The following ULK4 variants were observed in gnomAD, a reference collection of about 807,000 sequenced individuals.
ULK4 encodes the protein unc-51 like kinase 4.
In ULK4, 133 loss-of-function variants were observed where a neutral mutation model predicts 160.6. That is an observed-to-expected ratio of 0.83 (90% CI 0.72 to 0.96). The LOEUF is 0.96. Ranked by LOEUF, ULK4 falls within the 40% of genes least tolerant of loss-of-function variation. The pLI, the probability that ULK4 is intolerant of heterozygous loss-of-function variation, is 0.00. For missense variants in ULK4, 1,580 were observed against 1,499.5 expected (o/e 1.05, Z -0.89); for synonymous variants, 534 against 539.8 (o/e 0.99, Z 0.15).
chr3:41,276,764 C>T (rs1361979727), intron 35 of ULK4, among the ~76,000 whole-genome samples: 1 of 152,192 alleles, frequency 6.6e-6, no homozygotes, highest in East Asian at 1.9e-4. Flanking sequence ...CTCAAAGAAA[C>T]TGGGCAAAAC....
intron 34 of ULK4, among the ~76,000 whole-genome samples, chr3:41,447,993 C>A (rs1240999187): frequency 3.9e-5 from 6 of 152,186 alleles, no homozygotes. Flanking sequence ...CGGACAAATT[C>A]TCTGAATAAA....
At chr3:41,639,822 C>T (rs1009776726) in intron 30 of ULK4, among the ~76,000 whole-genome samples, 2 of 152,104 alleles carry the variant, frequency 1.3e-5, no homozygotes, top group Non-Finnish European at 2.9e-5. Flanking sequence ...ATTTAATAAA[C>T]CAGTAAAATT....
chr3:41,643,195 A>T (rs2034314931), intron 30 of ULK4, among the ~76,000 whole-genome samples: 1 of 152,006 alleles, frequency 6.6e-6, no homozygotes, highest in South Asian at 2.1e-4. Context: ...CTTTAGTTTA[A>T]TTAGATCCCA....
chr3:41,506,767 A>AAAAAAAAAAAAAAAAAAAAATATATATAT, intron 32 of ULK4, among the ~76,000 whole-genome samples: 6 of 56,794 alleles, frequency 1.1e-4, no homozygotes, highest in East Asian at 8.2e-4. Context: ...TGTGATTTAA[A>AAAAAAAAAAAAAAAAAAAAATATATATAT]ATATATATAT....
intron 31 of ULK4, among the ~76,000 whole-genome samples, chr3:41,582,904 C>A (rs2030486206): frequency 6.6e-6 from 1 of 152,170 alleles, no homozygotes; most frequent in South Asian, 2.1e-4. Context: ...ACCCTCTGAG[C>A]CTCTGCACTT....
intron 32 of ULK4, among the ~76,000 whole-genome samples, chr3:41,491,007 A>T (rs1476561330): frequency 6.6e-6 from 1 of 152,244 alleles, no homozygotes; most frequent in East Asian, 1.9e-4. Flanking sequence ...AAAAAGAGTA[A>T]TAACCATAAA....
chr3:41,946,534 C>T (rs904134372), intron 2 of ULK4, among the ~76,000 whole-genome samples: 6 of 152,180 alleles, frequency 3.9e-5, no homozygotes, highest in African/African-American at 1.2e-4. Context: ...CCCCAAAGAT[C>T]CCCTAATCAC....
intron 35 of ULK4, among the ~76,000 whole-genome samples, chr3:41,332,919 T>C (rs182384136): frequency 4.9e-4 from 75 of 152,352 alleles, no homozygotes; most frequent in African/African-American, 1.6e-3. Flanking sequence ...TGGTGATCTG[T>C]TTCTGCGTTT....
At chr3:41,700,215 T>A (rs981244331) in intron 27 of ULK4, among the ~76,000 whole-genome samples, 1 of 152,144 alleles carries the variant, frequency 6.6e-6, no homozygotes, top group Non-Finnish European at 1.5e-5. Flanking sequence ...TCAGACTAGT[T>A]TCTGATGAAA....
chr3:41,328,476 A>C (rs889482777), intron 35 of ULK4, among the ~76,000 whole-genome samples: 1 of 152,304 alleles, frequency 6.6e-6, no homozygotes, highest in East Asian at 1.9e-4. Flanking sequence ...GAAGCAGTTC[A>C]GAGGAGAAAT....
chr3:41,379,301 A>C (rs1386601), intron 35 of ULK4, among the ~76,000 whole-genome samples: 65,146 of 151,920 alleles, frequency 0.43, 14,054 homozygotes, highest in South Asian at 0.48. Flanking sequence ...AGAATGGATA[A>C]AAATGTTATA....
chr3:41,745,787 T>C (rs920944590), intron 22 of ULK4, among the ~76,000 whole-genome samples: 1 of 151,330 alleles, frequency 6.6e-6, no homozygotes, highest in Non-Finnish European at 1.5e-5. Context: ...TTCAGCAAAA[T>C]ATAAAAGAAT....
intron 30 of ULK4, among the ~76,000 whole-genome samples, chr3:41,648,086 A>C (rs891425118): frequency 6.6e-6 from 1 of 152,196 alleles, no homozygotes; most frequent in Non-Finnish European, 1.5e-5. Context: ...CCGATTTTCC[A>C]GGTGCCGTCT....
intron 32 of ULK4, among the ~76,000 whole-genome samples, chr3:41,490,705 T>C (rs1307697610): frequency 1.3e-5 from 2 of 152,224 alleles, no homozygotes; most frequent in Non-Finnish European, 2.9e-5. Flanking sequence ...GCAAGATGCT[T>C]CTTGAGAGTT....
At chr3:41,853,910 C>T (rs777240301) in intron 17 of ULK4, among the ~76,000 whole-genome samples, 31 of 152,216 alleles carry the variant, frequency 2.0e-4, no homozygotes, top group Non-Finnish European at 3.7e-4. Flanking sequence ...ACTTTCCACA[C>T]ATGCATGTGA....
chr3:41,683,754 G>A (rs193026587), intron 27 of ULK4, among the ~76,000 whole-genome samples: 164 of 151,986 alleles, frequency 1.1e-3, no homozygotes, highest in African/African-American at 3.8e-3. Flanking sequence ...AGACACCCAC[G>A]CAGCATAGGC....
intron 32 of ULK4, among the ~76,000 whole-genome samples, chr3:41,510,606 T>A (rs2085537151): frequency 6.6e-6 from 1 of 152,142 alleles, no homozygotes; most frequent in Non-Finnish European, 1.5e-5. Context: ...CAGTAAATTT[T>A]AAAAAATCGA....
chr3:41,802,274 A>G (rs1019719904), intron 19 of ULK4, among the ~76,000 whole-genome samples: 4 of 152,138 alleles, frequency 2.6e-5, no homozygotes, highest in Non-Finnish European at 5.9e-5. Context: ...TTAATTTTTG[A>G]GCCTATTTTA....
rs1301851480 is a variant in ULK4 at position 41,858,152 on chromosome 3, T to G, written c.1657-22181A>C. 1.2e-3 allele frequency among the ~76,000 whole-genome samples: 140 copies of G among 113,690 alleles called. 1 individual carries two copies. Among genetic ancestry groups the G allele is most frequent in the African/African-American group, 2.3e-3 (37 of 16,262 alleles). 74.6% of individuals were successfully genotyped at this position (113,690 alleles called of 152,430 possible). A position where few individuals can be genotyped will look rare whatever the true frequency, so the allele number is the denominator to read the frequency against. On this transcript the variant is annotated intron_variant, in intron 17 of 36. Coordinates refer to ENST00000301831, the MANE Select transcript of ULK4 (RefSeq NM_017886.4). The stretch of plus-strand genomic sequence containing the variant: ...CCATAGGGTTTTTTTTGTTTGTTTT[T>G]TTTTTTTTTTTTTTTTTTGGCAGAA...
Sources: allele counts gnomAD v4.1 joint callset (sites outside exome capture counted in the v4.1 genomes callset), GRCh38; gene constraint gnomAD v4.1.1; transcripts MANE v1.5; gene names NCBI Gene and HGNC (gene_info 2026-07-23, HGNC 2026-07-21).